The following DACH1 variants were observed in gnomAD, a reference collection of about 807,000 sequenced individuals.
The protein encoded by DACH1 is dachshund homolog 1.
In DACH1, 12 loss-of-function variants were observed where a neutral mutation model predicts 54.2. That is an observed-to-expected ratio of 0.22 (90% CI 0.14 to 0.36). The LOEUF (loss-of-function observed/expected upper bound fraction) is 0.36, where lower values mean the gene tolerates loss of function less well. Ranked by LOEUF, DACH1 falls within the 10% of genes least tolerant of loss-of-function variation. The pLI, the probability that DACH1 is intolerant of heterozygous loss-of-function variation, is 1.00. For missense variants in DACH1, 805 were observed against 929.8 expected (o/e 0.87, Z 1.75); for synonymous variants, 386 against 366.2 (o/e 1.05, Z -0.62).
chr13:71,822,672 A>T lies in DACH1; in HGVS notation c.848+43250T>A, dbSNP rs140976968. Among the ~76,000 whole-genome samples the T allele has an allele frequency of 1.8e-4, 28 of 152,322 alleles. No homozygotes were observed. In the East Asian group the frequency reaches 2.7e-3, roughly 15 times the overall value. On this transcript the variant is annotated intron_variant, in intron 1 of 10. Transcript: ENST00000613252. The stretch of plus-strand genomic sequence containing the variant: ...TATACTCAATCAAACCTGAATTTGA[A>T]ATTAACCTGTCACTTTAGACACCAT...
At chr13:71,446,975 C>T (rs1013145053) in intron 10 of DACH1, among the ~76,000 whole-genome samples, 7 of 152,138 alleles carry the variant, frequency 4.6e-5, no homozygotes, top group African/African-American at 1.7e-4. Context: ...TAATTAAAAG[C>T]ATTTGGGAGT....
At chr13:71,626,353 A>G (rs1876645013) in intron 3 of DACH1, among the ~76,000 whole-genome samples, 1 of 152,114 alleles carries the variant, frequency 6.6e-6, no homozygotes, top group Admixed American at 6.6e-5. Context: ...TATTCTCAAA[A>G]GTGTGCATAA....
intron 3 of DACH1, among the ~76,000 whole-genome samples, chr13:71,621,090 A>G (rs1421829926): frequency 6.6e-6 from 1 of 151,954 alleles, no homozygotes; most frequent in Non-Finnish European, 1.5e-5. Flanking sequence ...TGTTGTATAT[A>G]TTACATATAT....
chr13:71,459,654 A>G (rs1045014595), intron 10 of DACH1, among the ~76,000 whole-genome samples: 8 of 151,980 alleles, frequency 5.3e-5, no homozygotes, highest in African/African-American at 1.9e-4. Context: ...TTAAGCCCAA[A>G]GAAGAAAGAA....
chr13:71,691,270 G>A (rs1329764062), intron 1 of DACH1, among the ~76,000 whole-genome samples: 3 of 152,144 alleles, frequency 2.0e-5, no homozygotes, highest in Non-Finnish European at 4.4e-5. Flanking sequence ...TTTAAAGGCT[G>A]CTTTTCCAAA....
At chr13:71,556,915 A>G (rs117766462) in intron 6 of DACH1, 109 bp downstream of exon 6, 19,106 of 1,198,144 alleles carry the variant, frequency 0.016, 164 homozygotes, top group Middle Eastern at 0.026. Flanking sequence ...AAAAACATTT[A>G]TATGCTTTTT....
At chr13:71,790,258 G>T (rs554647226) in intron 1 of DACH1, among the ~76,000 whole-genome samples, 4 of 152,040 alleles carry the variant, frequency 2.6e-5, no homozygotes, top group African/African-American at 9.6e-5. Context: ...TGCTTTAGTC[G>T]AACCTATATA....
At chr13:71,597,676 C>T (rs1215781542) in intron 3 of DACH1, among the ~76,000 whole-genome samples, 1 of 152,120 alleles carries the variant, frequency 6.6e-6, no homozygotes, top group Admixed American at 6.5e-5. Flanking sequence ...TGCCTCAGTT[C>T]CCTACTAGGT....
intron 1 of DACH1, among the ~76,000 whole-genome samples, chr13:71,709,367 A>G (rs1334627831): frequency 6.6e-6 from 1 of 152,160 alleles, no homozygotes; most frequent in Non-Finnish European, 1.5e-5. Flanking sequence ...AGAAACTTCC[A>G]GAAATAAGCA....
chr13:71,817,300 C>A (rs1447355833), intron 1 of DACH1, among the ~76,000 whole-genome samples: 3 of 152,166 alleles, frequency 2.0e-5, no homozygotes, highest in Non-Finnish European at 4.4e-5. Context: ...CATATGCCAG[C>A]TCCCAGGACT....
chr13:71,734,969 T>TAC (rs1231110241), intron 1 of DACH1, among the ~76,000 whole-genome samples: 9 of 89,990 alleles, frequency 1.0e-4, no homozygotes, highest in East Asian at 4.4e-4. Flanking sequence ...TATATATATA[T>TAC]ACACACACAG....
At chr13:71,586,533 A>C (rs1460997140) in intron 3 of DACH1, among the ~76,000 whole-genome samples, 1 of 152,138 alleles carries the variant, frequency 6.6e-6, no homozygotes, top group African/African-American at 2.4e-5. Context: ...AAACAGTATT[A>C]CACACTATTT....
intron 6 of DACH1, among the ~76,000 whole-genome samples, chr13:71,491,386 A>C (rs935837604): frequency 6.6e-6 from 1 of 152,148 alleles, no homozygotes; most frequent in East Asian, 1.9e-4. Context: ...ATATATGTAC[A>C]TGTGTGCGTG....
chr13:71,449,431 G>A (rs962147659), intron 10 of DACH1, among the ~76,000 whole-genome samples: 1 of 152,112 alleles, frequency 6.6e-6, no homozygotes, highest in African/African-American at 2.4e-5. Context: ...TACTAAAAAG[G>A]GCTGGTATGC....
At chr13:71,502,245 T>A (rs868374239) in intron 6 of DACH1, among the ~76,000 whole-genome samples, 1 of 152,146 alleles carries the variant, frequency 6.6e-6, no homozygotes. Context: ...TCAAATTGAC[T>A]ACTACTGATA....
intron 6 of DACH1, among the ~76,000 whole-genome samples, chr13:71,495,279 C>A (rs1445583766): frequency 6.6e-6 from 1 of 151,978 alleles, no homozygotes; most frequent in African/African-American, 2.4e-5. Context: ...TGAAAACTCT[C>A]TATTTCTATA....
intron 3 of DACH1, among the ~76,000 whole-genome samples, chr13:71,614,449 A>AG (rs1257110216): frequency 6.6e-6 from 1 of 152,170 alleles, no homozygotes; most frequent in Non-Finnish European, 1.5e-5. Context: ...ATGCACATGG[A>AG]GGAAAAAAAA....
intron 1 of DACH1, among the ~76,000 whole-genome samples, chr13:71,696,549 A>AC (rs1881843626): frequency 6.7e-6 from 1 of 150,232 alleles, no homozygotes; most frequent in Non-Finnish European, 1.5e-5. Context: ...TTTCAAATTC[A>AC]CTTTTTTTTT....
intron 2 of DACH1, among the ~76,000 whole-genome samples, chr13:71,670,098 G>A (rs1880120449): frequency 6.6e-6 from 1 of 151,150 alleles, no homozygotes; most frequent in Non-Finnish European, 1.5e-5. Flanking sequence ...ATGTGAAATG[G>A]CACAAAAGAT....
Sources: allele counts gnomAD v4.1 joint callset (sites outside exome capture counted in the v4.1 genomes callset), GRCh38; gene constraint gnomAD v4.1.1; transcripts MANE v1.5; gene names NCBI Gene and HGNC (gene_info 2026-07-23, HGNC 2026-07-21).